PRSS23: variants seen among roughly 807,000 people sequenced by gnomAD.
The protein encoded by PRSS23 is serine protease 23.
Under a neutral mutation model 34.7 loss-of-function variants are expected in PRSS23, and 25 were observed. That is an observed-to-expected ratio of 0.72 (90% CI 0.53 to 1.01). PRSS23 has a LOEUF of 1.01. Ranked by LOEUF, PRSS23 falls within the 50% of genes least tolerant of loss-of-function variation. The pLI is 0.00. For missense variants in PRSS23, 445 were observed against 475.6 expected (o/e 0.94, Z 0.60); for synonymous variants, 176 against 186.6 (o/e 0.94, Z 0.46).
At chr11:86,929,558 G>A (rs927814811) in intron 2 of PRSS23, among the ~76,000 whole-genome samples, 2 of 152,132 alleles carry the variant, frequency 1.3e-5, no homozygotes, top group Non-Finnish European at 2.9e-5. Flanking sequence ...CAGGAGAATC[G>A]CTTGAACCTG....
intron 2 of PRSS23, chr11:86,946,042 C>T (rs534530796): frequency 6.6e-6 from 1 of 152,632 alleles, no homozygotes; most frequent in East Asian, 1.9e-4. Context: ...ATTTCATCTA[C>T]CTTTCTTACA....
At chr11:86,857,882 T>G (rs1948583576) in intron 2 of PRSS23, 2 of 505,866 alleles carry the variant, frequency 4.0e-6, no homozygotes, top group Non-Finnish European at 8.0e-6. Flanking sequence ...GCCAGGATGA[T>G]GAACAGGTTC....
intron 1 of PRSS23, among the ~76,000 whole-genome samples, chr11:86,817,473 T>C (rs1434757669): frequency 6.6e-6 from 1 of 152,246 alleles, no homozygotes; most frequent in African/African-American, 2.4e-5. Context: ...ATACTTTTAT[T>C]GAAATACCTC....
intron 1 of PRSS23, among the ~76,000 whole-genome samples, chr11:86,822,525 G>A (rs1380705260): frequency 6.6e-6 from 1 of 151,834 alleles, no homozygotes; most frequent in Non-Finnish European, 1.5e-5. Context: ...GGAGGCTGAG[G>A]TGGGAGGATA....
At chr11:86,877,857 C>CAAA (rs11403638) in intron 2 of PRSS23, among the ~76,000 whole-genome samples, 4,323 of 125,820 alleles carry the variant, frequency 0.034, 70 homozygotes, top group Middle Eastern at 0.051. Flanking sequence ...TTCATTTCTG[C>CAAA]AAAAAAAAAA....
chr11:86,799,298 G>T (rs872619), upstream of PRSS23, among the ~76,000 whole-genome samples: 29,822 of 152,152 alleles, frequency 0.2, 3,157 homozygotes, highest in Middle Eastern at 0.24. Flanking sequence ...GCTTTCTCAT[G>T]TAAAAGTAAT....
At chr11:86,893,928 G>A (rs939611379) in intron 2 of PRSS23, among the ~76,000 whole-genome samples, 1 of 152,140 alleles carries the variant, frequency 6.6e-6, no homozygotes, top group Non-Finnish European at 1.5e-5. Context: ...TGTAAAACTG[G>A]CTTTTTCCAA....
At chr11:86,939,431 T>TTTTTTTTAAAATATATATATATATATA (rs1555084022) in intron 2 of PRSS23, among the ~76,000 whole-genome samples, 1 of 141,752 alleles carries the variant, frequency 7.1e-6, no homozygotes, top group Non-Finnish European at 1.5e-5. Flanking sequence ...TATATATTTT[T>TTTTTTTTAAAATATATATATATATATA]TAACATGAGT....
At chr11:86,831,135 G>T (rs539065741) in intron 2 of PRSS23, among the ~76,000 whole-genome samples, 46 of 152,068 alleles carry the variant, frequency 3.0e-4, no homozygotes, top group African/African-American at 9.9e-4. Context: ...TACACTCCGT[G>T]ATATTATTTT....
chr11:86,906,003 C>CATTCAT lies in PRSS23; in HGVS notation c.207-45213_207-45212insATTCAT, dbSNP rs61241543. Among the ~76,000 whole-genome samples the CATTCAT allele has an allele frequency of 2.8e-3, 419 of 150,202 alleles. 1 individual carries two copies. Among genetic ancestry groups the CATTCAT allele is most frequent in the South Asian group, 8.1e-3 (39 of 4,810 alleles). On this transcript the variant is annotated intron_variant, in intron 2 of 2. Coordinates refer to the PRSS23 transcript ENST00000533902. ...CTGATGACATTCATTCACTCATTCA[C>CATTCAT]TCATTCATTCATTCATTCAACAATT...
At chr11:86,828,794 C>A (rs1427436054) in intron 2 of PRSS23, among the ~76,000 whole-genome samples, 1 of 152,146 alleles carries the variant, frequency 6.6e-6, no homozygotes, top group Non-Finnish European at 1.5e-5. Context: ...GTTGAAAATT[C>A]TTTTCTTTAA....
chr11:86,918,192 G>A (rs1387099836), intron 2 of PRSS23, among the ~76,000 whole-genome samples: 4 of 139,456 alleles, frequency 2.9e-5, no homozygotes, highest in African/African-American at 1.1e-4. Flanking sequence ...TAAAGCTATT[G>A]TGTCAGTATA....
At chr11:86,930,661 G>A (rs1434850589) in intron 2 of PRSS23, among the ~76,000 whole-genome samples, 1 of 152,100 alleles carries the variant, frequency 6.6e-6, no homozygotes, top group Non-Finnish European at 1.5e-5. Context: ...GTGGTGGCGG[G>A]CGCCTGTAGT....
chr11:86,834,996 C>T (rs888600541), intron 2 of PRSS23, among the ~76,000 whole-genome samples: 1 of 152,156 alleles, frequency 6.6e-6, no homozygotes, highest in South Asian at 2.1e-4. Flanking sequence ...TCAAGGGAAC[C>T]TCTAAATGGT....
At chr11:86,880,698 A>T (rs1254951195) in intron 2 of PRSS23, among the ~76,000 whole-genome samples, 1 of 151,910 alleles carries the variant, frequency 6.6e-6, no homozygotes, top group East Asian at 1.9e-4. Context: ...CCCTGTGTCC[A>T]TGTGTTCTCA....
intron 2 of PRSS23, among the ~76,000 whole-genome samples, chr11:86,860,285 G>C (rs1948604131): frequency 6.6e-6 from 1 of 151,960 alleles, no homozygotes; most frequent in Non-Finnish European, 1.5e-5. Flanking sequence ...TATCCCAAGT[G>C]GGGTGTACCC....
chr11:86,860,125 A>G (rs1948602986), intron 2 of PRSS23, among the ~76,000 whole-genome samples: 1 of 151,730 alleles, frequency 6.6e-6, no homozygotes, highest in Non-Finnish European at 1.5e-5. Context: ...TGCTCCCAAT[A>G]TCACAGGGGA....
At chr11:86,874,276 C>T (rs771408454) in intron 2 of PRSS23, among the ~76,000 whole-genome samples, 2 of 152,138 alleles carry the variant, frequency 1.3e-5, no homozygotes, top group Non-Finnish European at 1.5e-5. Flanking sequence ...ATTCACTCAC[C>T]GGCTGGGAGC....
chr11:86,796,607 C>G (rs908632660), upstream of PRSS23, among the ~76,000 whole-genome samples: 6 of 142,654 alleles, frequency 4.2e-5, no homozygotes, highest in African/African-American at 1.1e-4. Context: ...CGCCACTGCA[C>G]TCCAGCCTGG....
Sources: gnomAD v4.1 joint callset for allele counts (sites outside exome capture counted in the v4.1 genomes callset) on GRCh38, gnomAD v4.1.1 for gene constraint, MANE v1.5 for transcripts, NCBI Gene and HGNC (gene_info 2026-07-23, HGNC 2026-07-21) for gene names.